UNC13C: variants seen among roughly 807,000 people sequenced by gnomAD.
UNC13C encodes unc-13 homolog C.
In UNC13C, 174 loss-of-function variants were observed where a neutral mutation model predicts 245.4. The ratio of observed to expected loss-of-function variants is 0.71; its 90% CI spans 0.63 to 0.80. UNC13C has a LOEUF of 0.80. Among genes scored for constraint, UNC13C ranks in the 30% least tolerant of loss-of-function variants. The probability of loss-of-function intolerance (pLI) is 0.00; values close to 1 mark genes in which losing one functional copy is unlikely to be tolerated. For synonymous variants in UNC13C, 992 were observed against 895.1 expected (o/e 1.11, Z -1.93); for missense variants, 2,829 against 2,602.9 (o/e 1.09, Z -1.89).
intron 2 of UNC13C, among the ~76,000 whole-genome samples, chr15:54,051,437 T>C (rs1897261894): frequency 6.6e-6 from 1 of 152,094 alleles, no homozygotes; most frequent in Non-Finnish European, 1.5e-5. Context: ...ATTTGGGTTT[T>C]TTTTCCTGGA....
At chr15:54,376,008 A>G (rs1224723635) in intron 17 of UNC13C, among the ~76,000 whole-genome samples, 3 of 152,140 alleles carry the variant, frequency 2.0e-5, no homozygotes, top group South Asian at 2.1e-4. Flanking sequence ...CCATCTGACT[A>G]TTACCTTTTC....
At chr15:54,271,221 G>C (rs2036680271) in intron 10 of UNC13C, among the ~76,000 whole-genome samples, 1 of 152,130 alleles carries the variant, frequency 6.6e-6, no homozygotes, top group African/African-American at 2.4e-5. Flanking sequence ...GTTACAAGGG[G>C]TTGTAAACAA....
At chr15:53,867,507 C>T in the UNC13C span, among the ~76,000 whole-genome samples, 1 of 152,170 alleles carries the variant, frequency 6.6e-6, no homozygotes. Context: ...CAGTTCTTTA[C>T]TAATTCTGAA....
chr15:54,372,938 A>G (rs1021658705), intron 17 of UNC13C, among the ~76,000 whole-genome samples: 4 of 152,198 alleles, frequency 2.6e-5, no homozygotes, highest in African/African-American at 9.6e-5. Context: ...CTTATGAACT[A>G]TGGTACTGGA....
At chr15:53,921,249 C>A in the UNC13C span, among the ~76,000 whole-genome samples, 2 of 152,104 alleles carry the variant, frequency 1.3e-5, no homozygotes, top group Admixed American at 6.6e-5. Flanking sequence ...TTTTACTCTG[C>A]GAACTTCTCA....
At chr15:54,140,706 T>C (rs1417288613) in intron 2 of UNC13C, among the ~76,000 whole-genome samples, 1 of 152,220 alleles carries the variant, frequency 6.6e-6, no homozygotes, top group Non-Finnish European at 1.5e-5. Context: ...GAAATGGAAC[T>C]TCAAGAATGT....
At chr15:54,295,793 A>G (rs78592631) in intron 11 of UNC13C, among the ~76,000 whole-genome samples, 3,808 of 152,228 alleles carry the variant, frequency 0.025, 65 homozygotes, top group Non-Finnish European at 0.03. Flanking sequence ...CCTTCAGTCT[A>G]TGAGATGAAA....
chr15:54,574,027 A>G (rs1772211430), intron 30 of UNC13C, among the ~76,000 whole-genome samples: 1 of 152,212 alleles, frequency 6.6e-6, no homozygotes, highest in Admixed American at 6.5e-5. Flanking sequence ...TTGCGCTCTT[A>G]TTTTAAAATC....
chr15:53,954,582 C>T, the UNC13C span, among the ~76,000 whole-genome samples: 2 of 152,124 alleles, frequency 1.3e-5, no homozygotes, highest in Non-Finnish European at 2.9e-5. Context: ...TAGATGTCAC[C>T]GTATGTTTTC....
chr15:54,511,952 A>G, intron 24 of UNC13C, 122 bp downstream of exon 24: 1 of 696,276 alleles, frequency 1.4e-6, no homozygotes, highest in Non-Finnish European at 2.5e-6. Flanking sequence ...AGGAAATGAT[A>G]ATAATCTCAA....
intron 19 of UNC13C, among the ~76,000 whole-genome samples, chr15:54,436,662 G>A (rs911912587): frequency 5.9e-5 from 9 of 151,806 alleles, no homozygotes; most frequent in Non-Finnish European, 8.8e-5. Flanking sequence ...AGGGCCTGTC[G>A]AGGGTTGGGG....
the UNC13C span, among the ~76,000 whole-genome samples, chr15:53,917,672 A>T: frequency 6.6e-6 from 1 of 152,032 alleles, no homozygotes; most frequent in Non-Finnish European, 1.5e-5. Context: ...TCCCCACTCC[A>T]CTCACCACAC....
intron 2 of UNC13C, among the ~76,000 whole-genome samples, chr15:54,130,285 T>A (rs1187747113): frequency 1.7e-5 from 2 of 114,432 alleles, no homozygotes; most frequent in African/African-American, 3.1e-5. Context: ...GGTAGATAAT[T>A]AATTTTTTTT....
At chr15:54,098,944 T>A (rs1327022917) in intron 2 of UNC13C, among the ~76,000 whole-genome samples, 2 of 152,242 alleles carry the variant, frequency 1.3e-5, no homozygotes, top group Non-Finnish European at 2.9e-5. Flanking sequence ...CACAACTGCC[T>A]CTTTAAGTCA....
At chr15:54,367,728 CT>C (rs1403537679) in intron 17 of UNC13C, among the ~76,000 whole-genome samples, 2 of 152,224 alleles carry the variant, frequency 1.3e-5, no homozygotes, top group African/African-American at 4.8e-5. Flanking sequence ...TCAGTTAAAT[CT>C]TGGATTGTAG....
intron 8 of UNC13C, among the ~76,000 whole-genome samples, chr15:54,261,429 A>G (rs2036421169): frequency 6.6e-6 from 1 of 152,246 alleles, no homozygotes; most frequent in Non-Finnish European, 1.5e-5. Context: ...AGTGACAAAA[A>G]TTTATTATGA....
intron 1 of UNC13C, among the ~76,000 whole-genome samples, chr15:54,007,857 TC>T (rs1895212117): frequency 6.6e-6 from 1 of 151,790 alleles, no homozygotes; most frequent in Non-Finnish European, 1.5e-5. Context: ...CAAGCGTGAG[TC>T]CTGAGGCCAG....
chr15:54,010,018 G>A (rs2140986805), intron 1 of UNC13C, among the ~76,000 whole-genome samples: 1 of 152,274 alleles, frequency 6.6e-6, no homozygotes, highest in South Asian at 2.1e-4. Flanking sequence ...GGACAAAGTG[G>A]ATGCTTCTCC....
chr15:53,850,163 C>A, the UNC13C span, among the ~76,000 whole-genome samples: 796 of 152,156 alleles, frequency 5.2e-3, 8 homozygotes, highest in African/African-American at 0.018. Flanking sequence ...CACCTCTAAT[C>A]CTGACACTTT....
Sources: gnomAD v4.1 joint callset for allele counts (sites outside exome capture counted in the v4.1 genomes callset) on GRCh38, gnomAD v4.1.1 for gene constraint, MANE v1.5 for transcripts, NCBI Gene and HGNC (gene_info 2026-07-23, HGNC 2026-07-21) for gene names.